The following TRPC5 variants were observed in gnomAD, a reference collection of about 807,000 sequenced individuals.
TRPC5 encodes the protein short transient receptor potential channel 5.
Under a neutral mutation model 56.5 loss-of-function variants are expected in TRPC5, and 9 were observed. The ratio of observed to expected loss-of-function variants is 0.16; its 90% CI spans 0.10 to 0.28. TRPC5 has a LOEUF of 0.28. Among genes scored for constraint, TRPC5 ranks in the 10% least tolerant of loss-of-function variants. The pLI is 1.00. For missense variants in TRPC5, 469 were observed against 748.9 expected (o/e 0.63, Z 4.36); for synonymous variants, 282 against 278.5 (o/e 1.01, Z -0.13).
intron 3 of TRPC5, among the ~76,000 whole-genome samples, chrX:111,909,033 C>T (rs1343139044): frequency 9.1e-6 from 1 of 109,861 alleles, no homozygotes; most frequent in East Asian, 2.8e-4. Flanking sequence ...CCTGTAATCC[C>T]AGCACTTTGA....
chrX:112,030,737 C>G (rs60585381), intron 1 of TRPC5, among the ~76,000 whole-genome samples: 22,831 of 111,225 alleles, frequency 0.21, 2,472 homozygotes, highest in African/African-American at 0.41. Context: ...AGTATCCTTT[C>G]TAATTGAAAT....
At chrX:111,849,833 T>C (rs1315146431) in intron 5 of TRPC5, among the ~76,000 whole-genome samples, 1 of 112,140 alleles carries the variant, frequency 8.9e-6, no homozygotes, top group Non-Finnish European at 1.9e-5. Flanking sequence ...GGATTGCCCA[T>C]GGTAACCCTG....
At chrX:111,955,440 C>A (rs146373898) in intron 1 of TRPC5, among the ~76,000 whole-genome samples, 11 of 111,917 alleles carry the variant, frequency 9.8e-5, no homozygotes, top group East Asian at 2.8e-4. Context: ...TAAAAGAATG[C>A]GGGTGAAGTG....
chrX:111,859,158 C>T (rs1251288201), intron 3 of TRPC5, among the ~76,000 whole-genome samples: 2 of 110,816 alleles, frequency 1.8e-5, no homozygotes, highest in East Asian at 2.8e-4. Flanking sequence ...ATTGTTAGGA[C>T]GTTTTCATTG....
At chrX:111,787,719 G>A (rs751997694) in intron 7 of TRPC5, among the ~76,000 whole-genome samples, 5 of 111,193 alleles carry the variant, frequency 4.5e-5, no homozygotes, top group South Asian at 3.8e-4. Flanking sequence ...AATAAAAAAC[G>A]ATAAAGGGGA....
chrX:111,887,595 C>A (rs2148604231), intron 3 of TRPC5, among the ~76,000 whole-genome samples: 1 of 112,019 alleles, frequency 8.9e-6, no homozygotes, highest in African/African-American at 3.2e-5. Context: ...TTGGGTAGAT[C>A]ATTTTACTAC....
At chrX:111,830,432 G>A (rs1922375349) in intron 7 of TRPC5, among the ~76,000 whole-genome samples, 1 of 111,768 alleles carries the variant, frequency 8.9e-6, no homozygotes, top group Non-Finnish European at 1.9e-5. Context: ...GTAAGGTCAT[G>A]AGATTTGGGA....
At position 111,772,514 on chromosome X, in the gene TRPC5, A is replaced by G. The variant is rs1385857649; in HGVS notation, c.*3799T>C. Among the ~76,000 whole-genome samples the G allele has an allele frequency of 9.0e-6, 1 of 111,386 alleles. No homozygotes were observed. The highest frequency in any genetic ancestry group is 1.9e-5 in the Non-Finnish European group (1 of 53,104). On this transcript the variant is annotated 3_prime_UTR_variant, in exon 11 of 11. Transcript: ENST00000262839. ...AGTGGTGTGATCTCAGTGCACTGCAACCTCTGCCTCCCAGGTTCAAGTGAT... is the reference window on the plus strand; with the variant it reads ...AGTGGTGTGATCTCAGTGCACTGCAGCCTCTGCCTCCCAGGTTCAAGTGAT...
At chrX:111,798,298 A>C (rs191088527) in intron 7 of TRPC5, among the ~76,000 whole-genome samples, 197 of 111,944 alleles carry the variant, frequency 1.8e-3, no homozygotes, top group Non-Finnish European at 3.1e-3. Context: ...TTTTGTAGCC[A>C]CCTCCTGTTG....
intron 3 of TRPC5, among the ~76,000 whole-genome samples, chrX:111,883,171 A>C (rs777078648): frequency 3.8e-4 from 43 of 112,200 alleles, no homozygotes; most frequent in Non-Finnish European, 7.3e-4. Context: ...AGCTTGGTTA[A>C]TACCTCATTA....
rs892004089 is a variant in TRPC5 at position 111,948,339 on chromosome X, G to A, written c.378+3704C>T. On this transcript the variant is annotated intron_variant, in intron 2 of 10. Transcript: ENST00000262839. The stretch of plus-strand genomic sequence containing the variant: ...GAGGGCATTGAGGTGCAAGCTTCAC[G>A]GATTGGTTTCTTTTCTAATAACTAC... Among the ~76,000 whole-genome samples the A allele has an allele frequency of 9.9e-5, 11 of 111,456 alleles. No individual in the cohort carries two copies. The East Asian group carries it at 2.8e-3, about 29-fold the overall frequency.
intron 3 of TRPC5, among the ~76,000 whole-genome samples, chrX:111,860,662 T>C (rs1417873901): frequency 1.8e-5 from 2 of 112,582 alleles, no homozygotes; most frequent in Non-Finnish European, 3.8e-5. Context: ...TGGCTTACAA[T>C]AACCCAACAT....
At chrX:112,016,816 G>T (rs1395836882) in intron 1 of TRPC5, among the ~76,000 whole-genome samples, 2 of 111,264 alleles carry the variant, frequency 1.8e-5, no homozygotes, top group Non-Finnish European at 3.8e-5. Context: ...CCTATTTGCT[G>T]CATTACTTTG....
chrX:111,781,882 T>C lies in TRPC5; in HGVS notation c.2100+53A>G, dbSNP rs780502506. 16 of 1,071,466 alleles carry C rather than the reference T, an allele frequency of 1.5e-5. No homozygotes were observed. The African/African-American group carries it at 2.2e-4, about 15-fold the overall frequency. 88.3% of individuals were successfully genotyped at this position (1,071,466 alleles called of 1,213,427 possible). ...CTGCACTCCAGCCTGGGTGACAGAG[T>C]GAGACTCCATCTCAATTTTTAAAAA... On this transcript the variant is annotated intron_variant, in intron 8 of 10. Transcript: ENST00000262839.
chrX:111,775,135 C>T lies in TRPC5; in HGVS notation c.*1178G>A, dbSNP rs1945867542. On this transcript the variant is annotated 3_prime_UTR_variant, in exon 11 of 11. Coordinates refer to ENST00000262839, the MANE Select transcript of TRPC5 (RefSeq NM_012471.3). ...TTGGAAGACAGTAGAATTTGGATCA[C>T]GTTTATAATTCCATGAATCCACTAG... The T allele has an allele frequency of 1.8e-5, 2 of 111,659 alleles. No homozygotes were observed. Among genetic ancestry groups the T allele is most frequent in the African/African-American group, 3.3e-5 (1 of 30,725 alleles). 9.2% of individuals were successfully genotyped at this position (111,659 alleles called of 1,213,427 possible).
At chrX:111,903,232 G>A (rs1286608497) in intron 3 of TRPC5, 1 of 112,174 alleles carries the variant, frequency 8.9e-6, no homozygotes, top group African/African-American at 3.2e-5. Context: ...GGAATGGATT[G>A]TTGTATTAAG....
intron 1 of TRPC5, among the ~76,000 whole-genome samples, chrX:112,060,132 T>C (rs912387807): frequency 1.8e-5 from 2 of 112,129 alleles, no homozygotes; most frequent in African/African-American, 6.5e-5. Context: ...TTAAAAAGTT[T>C]TGAATTTAAA....
chrX:111,934,404 T>C (rs773368627), intron 2 of TRPC5, among the ~76,000 whole-genome samples: 3 of 111,271 alleles, frequency 2.7e-5, no homozygotes, highest in African/African-American at 9.8e-5. Flanking sequence ...AAGCATACCA[T>C]GCATAATAAT....
At chrX:111,831,310 G>T (rs12353609) in intron 7 of TRPC5, among the ~76,000 whole-genome samples, 5,775 of 112,180 alleles carry the variant, frequency 0.051, 360 homozygotes, top group African/African-American at 0.18. Flanking sequence ...CCTGCTGATA[G>T]AGAGTTAAAA....
Sources: gnomAD v4.1 joint callset for allele counts (sites outside exome capture counted in the v4.1 genomes callset) on GRCh38, gnomAD v4.1.1 for gene constraint, MANE v1.5 for transcripts, NCBI Gene and HGNC (gene_info 2026-07-23, HGNC 2026-07-21) for gene names.